The following MDGA2 variants were observed in gnomAD, a reference collection of about 807,000 sequenced individuals.
MDGA2 encodes MAM domain containing glycosylphosphatidylinositol anchor 2, also known as MAM domain-containing glycosylphosphatidylinositol anchor protein 2.
MDGA2 carries 40 observed loss-of-function variants against 117.8 expected under a neutral mutation model. The observed-to-expected ratio is 0.34, with a 90% confidence interval of 0.26 to 0.44. The LOEUF (loss-of-function observed/expected upper bound fraction) is 0.44, where lower values mean the gene tolerates loss of function less well. MDGA2 is among the 20% of genes least tolerant of loss of function. MDGA2 has a pLI of 1.00. For missense variants in MDGA2, 1,123 were observed against 1,250.6 expected, an observed-to-expected ratio of 0.90 and a Z score of 1.54; for synonymous variants, 452 against 439.0, an observed-to-expected ratio of 1.03 and a Z score of -0.37.
In MDGA2 at chr14:47,349,176, A is replaced by G. The variant is rs534505173; in HGVS notation, c.281-47626T>C. On this transcript the variant is annotated intron_variant, in intron 1 of 16. Coordinates refer to ENST00000399232, the MANE Select transcript of MDGA2 (RefSeq NM_001113498.3). ...TTGAAGTGATGAACGAAGAAATACA[A>G]CGTGATAGGGAGACAAGTGCTAATA... Among the ~76,000 whole-genome samples the G allele has an allele frequency of 3.0e-4, 45 of 152,296 alleles. 2 individuals carry two copies. The South Asian group carries it at 8.5e-3, about 29-fold the overall frequency.
At position 46,950,037 on chromosome 14, in the gene MDGA2, T is replaced by C. The variant is rs1345713197; in HGVS notation, c.2089+7337A>G. Among the ~76,000 whole-genome samples, 8 of 151,832 alleles carry C rather than the reference T, an allele frequency of 5.3e-5. No individual in the cohort carries two copies. The East Asian group carries it at 1.4e-3, about 26-fold the overall frequency. On this transcript the variant is annotated intron_variant, in intron 9 of 16. Transcript: ENST00000399232. The stretch of plus-strand genomic sequence containing the variant: ...CAAACTGCTGTAAAAATAATGAAAA[T>C]TTTAATTGAAGTTTTTATTTAAGTA...
chr14:47,639,433 A>G (rs894465347), intron 1 of MDGA2, among the ~76,000 whole-genome samples: 1 of 152,180 alleles, frequency 6.6e-6, no homozygotes, highest in African/African-American at 2.4e-5. Flanking sequence ...TAACAGAGAC[A>G]GTAATTTTGT....
intron 1 of MDGA2, among the ~76,000 whole-genome samples, chr14:47,392,396 T>C (rs1398025061): frequency 3.9e-5 from 6 of 152,120 alleles, no homozygotes; most frequent in Admixed American, 6.6e-5. Flanking sequence ...CATAAAAATG[T>C]TTGACCCACA....
chr14:47,535,084 T>C (rs1283368761), intron 1 of MDGA2, among the ~76,000 whole-genome samples: 1 of 152,202 alleles, frequency 6.6e-6, no homozygotes, highest in Non-Finnish European at 1.5e-5. Context: ...TCAGAACCTA[T>C]TTGTCAACGT....
intron 2 of MDGA2, among the ~76,000 whole-genome samples, chr14:47,267,025 T>A (rs756228878): frequency 1.3e-5 from 2 of 152,140 alleles, no homozygotes; most frequent in Non-Finnish European, 2.9e-5. Context: ...TACATGGTAA[T>A]GGTAATCAAT....
chr14:47,347,917 T>A (rs763221169), intron 1 of MDGA2, among the ~76,000 whole-genome samples: 10 of 152,000 alleles, frequency 6.6e-5, no homozygotes, highest in Admixed American at 1.3e-4. Context: ...TTCAATAACA[T>A]CAAGTGCTAG....
intron 8 of MDGA2, among the ~76,000 whole-genome samples, chr14:46,999,221 T>C (rs1887414791): frequency 6.6e-6 from 1 of 151,030 alleles, no homozygotes; most frequent in African/African-American, 2.4e-5. Context: ...AAAAAAAAGC[T>C]GTAAAGCAAT....
At chr14:47,038,848 G>C (rs1328182428) in intron 7 of MDGA2, among the ~76,000 whole-genome samples, 1 of 151,712 alleles carries the variant, frequency 6.6e-6, no homozygotes, top group Admixed American at 6.6e-5. Context: ...AGGCTTAGGG[G>C]CTCAGGCAGG....
intron 5 of MDGA2, among the ~76,000 whole-genome samples, chr14:47,113,453 C>T (rs1473694378): frequency 6.6e-6 from 1 of 151,984 alleles, no homozygotes; most frequent in Non-Finnish European, 1.5e-5. Flanking sequence ...GGCAGAGATA[C>T]AATAAAAAAA....
At chr14:46,882,653 A>T (rs1566506561) in intron 10 of MDGA2, among the ~76,000 whole-genome samples, 1 of 151,854 alleles carries the variant, frequency 6.6e-6, no homozygotes. Context: ...GTATAAAACA[A>T]AGACAAATCC....
intron 3 of MDGA2, among the ~76,000 whole-genome samples, chr14:47,148,284 A>T (rs73248053): frequency 0.018 from 2,812 of 152,238 alleles, 84 homozygotes; most frequent in African/African-American, 0.065. Flanking sequence ...CGGGAAGGAA[A>T]GCAATCCTCC....
chr14:47,173,720 A>G (rs969683266), intron 3 of MDGA2, among the ~76,000 whole-genome samples: 3 of 152,180 alleles, frequency 2.0e-5, no homozygotes, highest in Admixed American at 6.5e-5. Flanking sequence ...GACCATCAAG[A>G]CTAGGAAGAA....
chr14:47,080,790 C>T (rs1890682780), intron 6 of MDGA2, among the ~76,000 whole-genome samples: 1 of 152,178 alleles, frequency 6.6e-6, no homozygotes, highest in South Asian at 2.1e-4. Flanking sequence ...CTGCATCTAT[C>T]ATCCTCCGGC....
intron 1 of MDGA2, among the ~76,000 whole-genome samples, chr14:47,489,370 T>G (rs1034194807): frequency 4.6e-5 from 7 of 152,072 alleles, no homozygotes; most frequent in Admixed American, 2.0e-4. Context: ...ATAGGCTTTT[T>G]AGTTTATGTT....
intron 1 of MDGA2, among the ~76,000 whole-genome samples, chr14:47,597,845 TACACACACACACACACACACACACAC>T (rs35221587): frequency 3.2e-4 from 45 of 141,376 alleles, no homozygotes; most frequent in Admixed American, 7.2e-4. Flanking sequence ...CACACACACA[TACACACACACACACACACACACACAC>T]ACACACACAC....
chr14:47,111,250 G>T (rs939072324), intron 5 of MDGA2, among the ~76,000 whole-genome samples: 4 of 152,128 alleles, frequency 2.6e-5, no homozygotes, highest in Admixed American at 1.3e-4. Context: ...GTGAAGCTGG[G>T]ATTCTATTCT....
rs117366420 is a variant in MDGA2, at chr14:47,361,004, T to C, written c.281-59454A>G. Among the ~76,000 whole-genome samples the C allele has an allele frequency of 4.8e-4, 73 of 152,086 alleles. 2 individuals are homozygous for C. The East Asian group carries it at 0.013, about 27-fold the overall frequency. On this transcript the variant is annotated intron_variant, in intron 1 of 16. Transcript: ENST00000399232. Reference sequence around the variant, plus strand: ...TATGTGGGACTAATAAGTCTAGAGATCTAATGTACAACATAAAATCTATAG... The same window carrying C: ...TATGTGGGACTAATAAGTCTAGAGACCTAATGTACAACATAAAATCTATAG...
chr14:46,965,166 G>A lies in MDGA2; in HGVS notation c.1820-7523C>T, dbSNP rs958137865. Among the ~76,000 whole-genome samples, 30 of 120,084 alleles carry A rather than the reference G, an allele frequency of 2.5e-4. 1 individual carries two copies. Among genetic ancestry groups the A allele is most frequent in the Non-Finnish European group, 4.0e-4 (26 of 64,302 alleles). 78.8% of individuals were successfully genotyped at this position (120,084 alleles called of 152,430 possible). A position where few individuals can be genotyped will look rare whatever the true frequency, so the allele number is the denominator to read the frequency against. On this transcript the variant is annotated intron_variant, in intron 8 of 16. Coordinates refer to ENST00000399232, the MANE Select transcript of MDGA2 (RefSeq NM_001113498.3). The stretch of plus-strand genomic sequence containing the variant: ...TCTCGATCTCCTGACCTCGTGATCC[G>A]CCCGCCTCGGCCTCCCAAAGTGCTG...
intron 11 of MDGA2, among the ~76,000 whole-genome samples, chr14:46,879,543 G>A (rs1882364540): frequency 1.3e-5 from 2 of 152,080 alleles, no homozygotes; most frequent in African/African-American, 4.8e-5. Context: ...ATTATTAAAA[G>A]TAATATCTAT....
Sources: allele counts gnomAD v4.1 joint callset (sites outside exome capture counted in the v4.1 genomes callset), GRCh38; gene constraint gnomAD v4.1.1; transcripts MANE v1.5; gene names NCBI Gene and HGNC (gene_info 2026-07-23, HGNC 2026-07-21).